The following AHCYL2 variants were observed in gnomAD, a reference collection of about 807,000 sequenced individuals.
AHCYL2 encodes adenosylhomocysteinase like 2.
AHCYL2 carries 28 observed loss-of-function variants against 81.4 expected under a neutral mutation model. That is an observed-to-expected ratio of 0.34 (90% confidence interval 0.25 to 0.47). AHCYL2 has a LOEUF of 0.47. AHCYL2 is among the 20% of genes least tolerant of loss of function. AHCYL2 has a pLI of 1.00. For missense variants in AHCYL2, 551 were observed against 785.1 expected, an observed-to-expected ratio of 0.70 and a Z score of 3.56; for synonymous variants, 272 against 290.2, an observed-to-expected ratio of 0.94 and a Z score of 0.64.
intron 1 of AHCYL2, 30 bp downstream of exon 1, chr7:129,225,469 A>G: frequency 6.8e-7 from 1 of 1,477,868 alleles, no homozygotes; most frequent in East Asian, 2.9e-5. Flanking sequence ...TCTCTAGGAG[A>G]GGAAGGGAGG....
chr7:129,350,335 C>A (rs190065382), intron 1 of AHCYL2, among the ~76,000 whole-genome samples: 95 of 151,784 alleles, frequency 6.3e-4, no homozygotes, highest in African/African-American at 2.2e-3. Flanking sequence ...ATAATACATG[C>A]CAAAGCAACA....
At chr7:129,293,933 A>C (rs926006441) in intron 1 of AHCYL2, among the ~76,000 whole-genome samples, 1 of 152,214 alleles carries the variant, frequency 6.6e-6, no homozygotes, top group Non-Finnish European at 1.5e-5. Context: ...TTTAGGAACT[A>C]ATTTCACAGT....
intron 1 of AHCYL2, among the ~76,000 whole-genome samples, chr7:129,255,712 G>A (rs984475874): frequency 1.3e-5 from 2 of 152,212 alleles, no homozygotes; most frequent in Non-Finnish European, 2.9e-5. Context: ...GCTTGGCGCG[G>A]TGGTCCACGC....
rs56056372 is a variant in AHCYL2 at position 129,328,730 on chromosome 7, C to A, written c.364-50908C>A. Among the ~76,000 whole-genome samples, 517 of 152,314 alleles carry A rather than the reference C, an allele frequency of 3.4e-3. 1 individual carries two copies. Among genetic ancestry groups the A allele is most frequent in the African/African-American group, 0.012 (500 of 41,572 alleles). On this transcript the variant is annotated intron_variant, in intron 1 of 16. Coordinates refer to ENST00000325006, the MANE Select transcript of AHCYL2 (RefSeq NM_015328.4). ...TGAACTCCTGACCTCAAATGAGCCA[C>A]CCGTCTCGGCCTCCCAAAGTGTTGG...
At chr7:129,356,523 C>T (rs1030816349) in intron 1 of AHCYL2, among the ~76,000 whole-genome samples, 1 of 152,176 alleles carries the variant, frequency 6.6e-6, no homozygotes, top group Non-Finnish European at 1.5e-5. Flanking sequence ...ATAAAGCTGC[C>T]TGTGTCTATT....
At position 129,325,717 on chromosome 7, in the gene AHCYL2, TTTTTC is replaced by T. The variant is rs571364710; in HGVS notation, c.364-53916_364-53912del. 4.6e-5 allele frequency among the ~76,000 whole-genome samples: 7 copies of T among 152,166 alleles called. No individual in the cohort carries two copies. The South Asian group carries it at 1.4e-3, about 32-fold the overall frequency. On this transcript the variant is annotated intron_variant, in intron 1 of 16. Coordinates refer to ENST00000325006, the MANE Select transcript of AHCYL2 (RefSeq NM_015328.4). ...CTGGGTTTGTTTTATTTTGTTTTGT[TTTTTC>T]TTTTTCTTTTTTTTTTTGAGACTGA... is the stretch of plus-strand genomic sequence containing the variant.
chr7:129,387,351 C>T (rs118068330), intron 2 of AHCYL2, among the ~76,000 whole-genome samples: 27 of 152,298 alleles, frequency 1.8e-4, no homozygotes, highest in East Asian at 5.8e-4. Flanking sequence ...TGACTGAATA[C>T]GTGAATAAAT....
chr7:129,426,153 T>A lies in AHCYL2; in HGVS notation c.1709-290T>A, dbSNP rs1006840094. Among the ~76,000 whole-genome samples, 8 of 152,238 alleles carry A rather than the reference T, an allele frequency of 5.3e-5. No individual in the cohort carries two copies. The highest frequency in any genetic ancestry group is 1.9e-4 in the African/African-American group (8 of 41,466). ...TTCCCACATTATCCTATTCCTTCTT[T>A]TAAATCTTAATGCCTGTTGTTTCTT... On this transcript the variant is annotated intron_variant, in intron 15 of 16. Transcript: ENST00000325006. This position sits in a 1 kb window ranked among gnomAD's most constrained non-coding sequence, Gnocchi z 4.3.
intron 1 of AHCYL2, among the ~76,000 whole-genome samples, chr7:129,322,269 A>T (rs932836855): frequency 3.3e-5 from 5 of 151,874 alleles, no homozygotes; most frequent in Non-Finnish European, 7.4e-5. Flanking sequence ...CCTCCTGAGT[A>T]GCTGGGATTA....
Position 129,428,967 on chromosome 7 carries a change from C to T in AHCYL2, c.*1922C>T, listed in dbSNP as rs1797470717. ...AATTGGTTCCCTTTAGCAAGGGATTCAGATCTTTGTACCTTATCTTATATC... is the reference window on the plus strand; with the variant it reads ...AATTGGTTCCCTTTAGCAAGGGATTTAGATCTTTGTACCTTATCTTATATC... On this transcript the variant is annotated 3_prime_UTR_variant, in exon 17 of 17. Transcript: ENST00000325006. 1 of 152,188 alleles carries T rather than the reference C, an allele frequency of 6.6e-6. No individual in the cohort carries two copies. The highest frequency in any genetic ancestry group is 2.4e-5 in the African/African-American group (1 of 41,448). The allele number at this position is 152,188 out of a possible 1,614,324, so 9.4% of individuals were successfully genotyped here.
At position 129,377,741 on chromosome 7, in the gene AHCYL2, T is replaced by C. The variant is rs139034146; in HGVS notation, c.364-1897T>C. 510 of 375,788 alleles carry C rather than the reference T, an allele frequency of 1.4e-3. 1 individual carries two copies. Among genetic ancestry groups the C allele is most frequent in the African/African-American group, 0.01 (495 of 47,714 alleles). The allele number at this position is 375,788 out of a possible 1,614,324, so 23.3% of individuals were successfully genotyped here. A position where few individuals can be genotyped will look rare whatever the true frequency, so the allele number is the denominator to read the frequency against. ...ACAAAAAAGTTATTAGTTCAATAAATTGTATGAGCTTTTTTTCCCCAAACA... is the reference window on the plus strand; with the variant it reads ...ACAAAAAAGTTATTAGTTCAATAAACTGTATGAGCTTTTTTTCCCCAAACA... On this transcript the variant is annotated intron_variant, in intron 1 of 16. Coordinates refer to ENST00000325006, the MANE Select transcript of AHCYL2 (RefSeq NM_015328.4).
chr7:129,285,085 TG>T (rs2150744014), intron 1 of AHCYL2, among the ~76,000 whole-genome samples: 1 of 152,224 alleles, frequency 6.6e-6, no homozygotes, highest in East Asian at 1.9e-4. Context: ...CAGCTCTAGC[TG>T]TAAGCATATG....
intron 1 of AHCYL2, among the ~76,000 whole-genome samples, chr7:129,370,902 T>A (rs1170000309): frequency 6.6e-6 from 1 of 152,236 alleles, no homozygotes; most frequent in Non-Finnish European, 1.5e-5. Flanking sequence ...TTGCTAGCTT[T>A]TCTTTGCCAA....
At chr7:129,269,057 C>T (rs1584724935) in intron 1 of AHCYL2, among the ~76,000 whole-genome samples, 1 of 151,990 alleles carries the variant, frequency 6.6e-6, no homozygotes. Context: ...TAAATGGGAT[C>T]ATAACCATAT....
At chr7:129,231,914 A>G (rs998095438) in intron 1 of AHCYL2, among the ~76,000 whole-genome samples, 2 of 151,798 alleles carry the variant, frequency 1.3e-5, no homozygotes, top group South Asian at 2.1e-4. Flanking sequence ...GGACGCTTGC[A>G]CTAAAAGCTG....
intron 1 of AHCYL2, among the ~76,000 whole-genome samples, chr7:129,320,235 G>A (rs1260986424): frequency 6.6e-6 from 1 of 152,048 alleles, no homozygotes; most frequent in Non-Finnish European, 1.5e-5. Context: ...TTCTTTATAT[G>A]TTCTAAATAT....
chr7:129,291,900 C>T (rs750100069), intron 1 of AHCYL2, among the ~76,000 whole-genome samples: 10 of 152,050 alleles, frequency 6.6e-5, no homozygotes, highest in Non-Finnish European at 1.3e-4. Flanking sequence ...CCACTGCGCC[C>T]GGCCCAAAGT....
chr7:129,247,828 C>T (rs1418995961), intron 1 of AHCYL2, among the ~76,000 whole-genome samples: 5 of 152,142 alleles, frequency 3.3e-5, no homozygotes, highest in Non-Finnish European at 5.9e-5. Context: ...TCTTGAACTC[C>T]TGGGTTCAAT....
chr7:129,277,057 T>C (rs1796238630), intron 1 of AHCYL2, among the ~76,000 whole-genome samples: 1 of 152,162 alleles, frequency 6.6e-6, no homozygotes, highest in Non-Finnish European at 1.5e-5. Context: ...AAGAGACCTA[T>C]AATCATTAAA....
Sources: gnomAD v4.1 joint callset for allele counts (sites outside exome capture counted in the v4.1 genomes callset) on GRCh38, gnomAD v4.1.1 for gene constraint, Gnocchi (gnomAD v3.1) non-coding constraint, MANE v1.5 for transcripts, NCBI Gene and HGNC (gene_info 2026-07-23, HGNC 2026-07-21) for gene names.